Variants in CCDC7 observed in about 807,000 individuals in gnomAD.
CCDC7 encodes the protein coiled-coil domain containing 7.
In CCDC7, 183 loss-of-function variants were observed where a neutral mutation model predicts 196.9. The observed-to-expected ratio is 0.93, with a 90% CI of 0.82 to 1.05. The LOEUF (loss-of-function observed/expected upper bound fraction) is 1.05. CCDC7 is among the 50% of genes least tolerant of loss of function. CCDC7 has a pLI of 0.00. For synonymous variants in CCDC7, 525 were observed against 484.6 expected, an observed-to-expected ratio of 1.08 and a Z score of -1.10; for missense variants, 1,540 against 1,482.2, an observed-to-expected ratio of 1.04 and a Z score of -0.64.
chr10:32,452,894 T>A (rs1209371255), intron 1 of CCDC7, among the ~76,000 whole-genome samples: 1 of 152,120 alleles, frequency 6.6e-6, no homozygotes, highest in Non-Finnish European at 1.5e-5. Context: ...ATATAGTACA[T>A]CAAACTTGTA....
intron 21 of CCDC7, among the ~76,000 whole-genome samples, chr10:32,672,109 G>A (rs909408141): frequency 2.4e-4 from 37 of 152,170 alleles, no homozygotes; most frequent in African/African-American, 8.9e-4. Context: ...GCACAGGAAT[G>A]TGTGGAGGGA....
At chr10:32,611,705 A>G (rs2062158387) in intron 18 of CCDC7, among the ~76,000 whole-genome samples, 1 of 152,082 alleles carries the variant, frequency 6.6e-6, no homozygotes, top group African/African-American at 2.4e-5. Context: ...TGTTTTTGTC[A>G]GGTTTGTCAA....
chr10:32,526,797 T>C (rs533440252), intron 11 of CCDC7, among the ~76,000 whole-genome samples: 1 of 152,288 alleles, frequency 6.6e-6, no homozygotes, highest in African/African-American at 2.4e-5. Flanking sequence ...GACAAAGTCC[T>C]CTTTACTCTT....
chr10:32,820,973 A>G (rs1275787375), intron 31 of CCDC7, among the ~76,000 whole-genome samples: 2 of 152,130 alleles, frequency 1.3e-5, no homozygotes, highest in African/African-American at 4.8e-5. Context: ...AATGGGATCT[A>G]ATTAAACTGA....
At chr10:32,860,504 A>G (rs1220679507) in intron 41 of CCDC7, among the ~76,000 whole-genome samples, 1 of 152,210 alleles carries the variant, frequency 6.6e-6, no homozygotes, top group Non-Finnish European at 1.5e-5. Flanking sequence ...AAACCGGCAC[A>G]AGACAAGGAT....
intron 20 of CCDC7, among the ~76,000 whole-genome samples, chr10:32,658,654 A>G (rs1448156554): frequency 6.6e-6 from 1 of 152,204 alleles, no homozygotes; most frequent in Non-Finnish European, 1.5e-5. Flanking sequence ...CTGTATATAT[A>G]CACAACGAAA....
exon 40 of CCDC7, chr10:32,851,872 A>G: frequency 6.2e-7 from 1 of 1,612,218 alleles, no homozygotes; most frequent in Non-Finnish European, 8.5e-7. Context: ...TAGAACATAT[A>G]GGGCTGGTCC....
chr10:32,520,475 T>G (rs1272094670), intron 11 of CCDC7, among the ~76,000 whole-genome samples: 1 of 152,120 alleles, frequency 6.6e-6, no homozygotes, highest in Non-Finnish European at 1.5e-5. Flanking sequence ...ATCAGTGATG[T>G]TGAGGGCCTT....
chr10:32,742,023 T>G (rs959899676), intron 28 of CCDC7, among the ~76,000 whole-genome samples: 2 of 152,200 alleles, frequency 1.3e-5, no homozygotes, highest in African/African-American at 4.8e-5. Context: ...GGTATTTATG[T>G]GATGTATTCT....
At chr10:32,728,189 T>C (rs1403743832) in intron 26 of CCDC7, among the ~76,000 whole-genome samples, 1 of 152,172 alleles carries the variant, frequency 6.6e-6, no homozygotes, top group African/African-American at 2.4e-5. Context: ...CTTTTTCTCA[T>C]TAAGTTTAAG....
At chr10:32,695,468 A>G (rs1245938765) in intron 24 of CCDC7, among the ~76,000 whole-genome samples, 1 of 152,202 alleles carries the variant, frequency 6.6e-6, no homozygotes. Flanking sequence ...TTTAGGCTTC[A>G]CCTAAGGGTA....
intron 22 of CCDC7, among the ~76,000 whole-genome samples, chr10:32,687,919 G>A (rs374115919): frequency 2.0e-5 from 3 of 152,140 alleles, no homozygotes; most frequent in South Asian, 4.1e-4. Context: ...AAGATCCTTA[G>A]TGGGGAGTCC....
exon 3 of CCDC7, chr10:32,456,324 A>G: frequency 5.1e-6 from 8 of 1,571,504 alleles, no homozygotes; most frequent in Non-Finnish European, 7.0e-6. Flanking sequence ...GCACTTAAAG[A>G]AGAACAAAAT....
chr10:32,538,179 A>G lies in CCDC7; in HGVS notation c.994-5121A>G, dbSNP rs2050826635. On this transcript the variant is annotated intron_variant, in intron 11 of 41. Transcript: ENST00000639629. ...ATCTGATTTCTTTGAGCAGTGTTTT[A>G]AAGTTCTCATTGTGGAGATCTTTCA... Among the ~76,000 whole-genome samples the G allele has an allele frequency of 2.0e-5, 3 of 152,134 alleles. No homozygotes were observed. The South Asian group carries it at 6.2e-4, about 32-fold the overall frequency.
At chr10:32,563,800 G>T (rs1266474098) in intron 13 of CCDC7, among the ~76,000 whole-genome samples, 1 of 152,122 alleles carries the variant, frequency 6.6e-6, no homozygotes, top group African/African-American at 2.4e-5. Flanking sequence ...ATTGACAAAT[G>T]GGATCTAATT....
At chr10:32,689,057 T>G (rs1255614554) in exon 23 of CCDC7, 1 of 1,573,670 alleles carries the variant, frequency 6.4e-7, no homozygotes, top group African/African-American at 1.4e-5. Context: ...CTGTAGCTCC[T>G]GATAAAGAAC....
At chr10:32,453,872 AC>A (rs2033715279) in intron 2 of CCDC7, among the ~76,000 whole-genome samples, 1 of 152,212 alleles carries the variant, frequency 6.6e-6, no homozygotes, top group African/African-American at 2.4e-5. Context: ...ATGAACACAT[AC>A]ATCCTCACAA....
At chr10:32,533,348 A>G (rs992353044) in intron 11 of CCDC7, among the ~76,000 whole-genome samples, 1 of 151,504 alleles carries the variant, frequency 6.6e-6, no homozygotes, top group African/African-American at 2.4e-5. Context: ...TATATTACCA[A>G]TCTCTTAACA....
rs374169292 is a variant in CCDC7, at chr10:32,805,038, G to C, written c.3037G>C (p.Gly1013Arg). ...AGAGACTGATATAGAAAGCTTGAGA[G>C]GTGCTTTGGGAAGACGCTTATTAAA... The change falls in exon 30 of 42, where the codon GGT becomes CGT. Residue 1013 changes from glycine to arginine, a missense_variant. By Grantham distance (125) the Gly-to-Arg change is moderately radical. Coordinates refer to ENST00000639629, the Ensembl canonical transcript of CCDC7. 1.7e-5 allele frequency: 27 copies of C among 1,611,350 alleles called. No individual in the cohort carries two copies. The South Asian group carries it at 2.6e-4, about 16-fold the overall frequency.
Sources: gnomAD v4.1 joint callset for allele counts (sites outside exome capture counted in the v4.1 genomes callset) on GRCh38, gnomAD v4.1.1 for gene constraint, MANE v1.5 for transcripts, NCBI Gene and HGNC (gene_info 2026-07-23, HGNC 2026-07-21) for gene names.